Variants in DNAH11 observed in about 807,000 individuals in gnomAD.
The protein encoded by DNAH11 is axonemal beta dynein heavy chain 11.
A neutral mutation model predicts 526.0 loss-of-function variants in DNAH11; 442 were observed. That is an observed-to-expected ratio of 0.84 (90% CI 0.78 to 0.91). DNAH11 has a LOEUF of 0.91. Ranked by LOEUF, DNAH11 falls within the 40% of genes least tolerant of loss-of-function variation. The pLI, the probability that DNAH11 is intolerant of heterozygous loss-of-function variation, is 0.00. For synonymous variants in DNAH11, 2,461 were observed against 1,935.9 expected (o/e 1.27, Z -7.12); for missense variants, 6,989 against 5,448.7 (o/e 1.28, Z -8.90).
At chr7:21,770,055 G>T (rs1180478546) in intron 55 of DNAH11, among the ~76,000 whole-genome samples, 1 of 152,138 alleles carries the variant, frequency 6.6e-6, no homozygotes, top group Admixed American at 6.5e-5. Context: ...ACTGTGCTTG[G>T]TGCTACATTT....
rs1418452483 is a variant in DNAH11 at position 21,862,007 on chromosome 7, C to T, written c.11357C>T (p.Ser3786Phe). Residue 3786 changes from serine (S) to phenylalanine (F), a missense_variant, in exon 69 of 82, where the codon TCC becomes TTC. Physicochemically the swap from Ser to Phe is radical, Grantham distance 155 (BLOSUM62 -2). Transcript: ENST00000409508. ...GAGAAGGACAAGCTCACCTTCCTGT[C>T]CCAGATGGCTTTTCAGGTAAGGAGA... ...LFEKDKLTFL[S>F]QMAFQILLRK... The T allele has an allele frequency of 6.2e-7, 1 of 1,612,408 alleles. No individual in the cohort carries two copies. Among genetic ancestry groups the T allele is most frequent in the Non-Finnish European group, 8.5e-7 (1 of 1,179,218 alleles).
intron 30 of DNAH11, 37 bp from the exon 31 acceptor site, chr7:21,681,509 A>C (rs756423708): frequency 1.3e-5 from 21 of 1,597,940 alleles, no homozygotes; most frequent in Non-Finnish European, 1.7e-5. Flanking sequence ...CTGTATTTGT[A>C]ACCCTTCTCT....
chr7:21,719,145 C>G (rs950414909), intron 43 of DNAH11, among the ~76,000 whole-genome samples: 1 of 152,070 alleles, frequency 6.6e-6, no homozygotes, highest in African/African-American at 2.4e-5. Context: ...CTACTTCTTT[C>G]TTTTGTTGTA....
chr7:21,558,924 G>A lies in DNAH11; in HGVS notation c.618G>A (p.Met206Ile). Residue 206 changes from methionine to isoleucine, a missense_variant, in exon 3 of 82, where the codon ATG becomes ATA. By Grantham distance (10) the Met-to-Ile change is conservative. Coordinates refer to ENST00000409508, the MANE Select transcript of DNAH11 (RefSeq NM_001277115.2). ...AGATGTATATTTTTAGGGGCAAAAT[G>A]TCTAGAAGAACTCTTCTACCAATTC... The part of the protein sequence containing the change: ...KKKMYIFRGK[M>I]SRRTLLPIPT... 6.3e-7 allele frequency: 1 copy of A among 1,598,988 alleles called. No individual in the cohort carries two copies. The highest frequency in any genetic ancestry group is 8.5e-7 in the Non-Finnish European group (1 of 1,171,996).
chr7:21,565,511 C>T (rs751154654), intron 6 of DNAH11, among the ~76,000 whole-genome samples: 2 of 152,176 alleles, frequency 1.3e-5, no homozygotes, highest in Non-Finnish European at 2.9e-5. Context: ...AACAGGTCTG[C>T]AGACTTGCAG....
chr7:21,831,181 C>G (rs150199755), intron 65 of DNAH11, among the ~76,000 whole-genome samples: 1 of 152,166 alleles, frequency 6.6e-6, no homozygotes, highest in Admixed American at 6.5e-5. Flanking sequence ...CTCTTCACAC[C>G]TGCTGTTGCT....
intron 63 of DNAH11, among the ~76,000 whole-genome samples, chr7:21,808,348 ATATC>A: frequency 6.6e-6 from 1 of 152,192 alleles, no homozygotes. Context: ...AGTAAATAAG[ATATC>A]TATCACCTGA....
At position 21,784,513 on chromosome 7, in the gene DNAH11, T is replaced by A; in HGVS notation, c.9570T>A (p.Ala3190=). The A allele has an allele frequency of 1.2e-6, 2 of 1,612,638 alleles. No homozygotes were observed. Among genetic ancestry groups the A allele is most frequent in the Non-Finnish European group, 1.7e-6 (2 of 1,179,162 alleles). ...AGGCTGAGCCTGCACTGGTGGCTGC[T>A]ACAGCTGCACTCAATACACTCAACA... is the stretch of plus-strand genomic sequence containing the variant. ...LLKAEPALVA[A]TAALNTLNRV... The change falls in exon 58 of 82, where the codon GCT becomes GCA. Residue 3190 remains alanine, a synonymous_variant. Coordinates refer to ENST00000409508, the MANE Select transcript of DNAH11 (RefSeq NM_001277115.2).
chr7:21,825,061 AG>A, intron 65 of DNAH11, among the ~76,000 whole-genome samples: 1 of 152,164 alleles, frequency 6.6e-6, no homozygotes, highest in South Asian at 2.1e-4. Flanking sequence ...TAGTAGAAAC[AG>A]GTTTCGCCAT....
chr7:21,698,001 A>C, intron 35 of DNAH11, 74 bp from the exon 36 acceptor site: 2 of 1,460,178 alleles, frequency 1.4e-6, no homozygotes, highest in African/African-American at 1.4e-5. Context: ...GGTACGAAAT[A>C]ACCACTTGAT....
intron 61 of DNAH11, among the ~76,000 whole-genome samples, chr7:21,789,808 T>TCTTTCTTTCTTCTTTCTTTCTTTCTTTC: frequency 4.1e-4 from 14 of 34,086 alleles, no homozygotes; most frequent in East Asian, 6.2e-4. Context: ...TTTCTTTCTT[T>TCTTTCTTTCTTCTTTCTTTCTTTCTTTC]TTTCTTTCTT....
chr7:21,645,900 A>T (rs756530582), intron 28 of DNAH11, among the ~76,000 whole-genome samples: 9 of 152,198 alleles, frequency 5.9e-5, no homozygotes, highest in African/African-American at 2.2e-4. Flanking sequence ...AAATCTTCTT[A>T]AATTGGACAC....
intron 30 of DNAH11, among the ~76,000 whole-genome samples, chr7:21,670,192 T>G (rs1266422041): frequency 6.6e-6 from 1 of 152,086 alleles, no homozygotes; most frequent in Non-Finnish European, 1.5e-5. Context: ...TATATGGGTT[T>G]TCTCTAATTT....
chr7:21,736,688 C>T (rs1785625767), intron 46 of DNAH11, among the ~76,000 whole-genome samples: 1 of 152,046 alleles, frequency 6.6e-6, no homozygotes, highest in South Asian at 2.1e-4. Flanking sequence ...ATGAATGGAA[C>T]CCTTAGAAAG....
chr7:21,854,832 C>T (rs570632653), intron 68 of DNAH11, among the ~76,000 whole-genome samples: 11 of 152,202 alleles, frequency 7.2e-5, no homozygotes, highest in African/African-American at 1.4e-4. Flanking sequence ...CGTGAACCAC[C>T]GCGCACAGCC....
intron 45 of DNAH11, among the ~76,000 whole-genome samples, chr7:21,733,353 A>G (rs1440838665): frequency 6.6e-6 from 1 of 152,084 alleles, no homozygotes; most frequent in Non-Finnish European, 1.5e-5. Flanking sequence ...GTGCCACTGC[A>G]CTCCAGCCTC....
intron 48 of DNAH11, among the ~76,000 whole-genome samples, chr7:21,741,426 G>T (rs1785889543): frequency 2.0e-5 from 3 of 152,182 alleles, no homozygotes; most frequent in Non-Finnish European, 2.9e-5. Context: ...TGCAGGTTTT[G>T]TGTTTGCGTA....
chr7:21,619,164 T>C lies in DNAH11; in HGVS notation c.4319T>C (p.Val1440Ala), dbSNP rs759450356. ...TTGTTAGCACTGCGGTTACACAGAG[T>C]GGAAGATGATGTCCGAAGGATTGTG... ...ADLLALRLHR[V>A]EDDVRRIVDK... Residue 1440 changes from valine (V) to alanine (A), a missense_variant, in exon 24 of 82, where the codon GTG (valine) becomes GCG (alanine). Physicochemically the swap from Val to Ala is moderately conservative, Grantham distance 64. Transcript: ENST00000409508. The C allele has an allele frequency of 6.2e-7, 1 of 1,613,334 alleles. No homozygotes were observed. The highest frequency in any genetic ancestry group is 1.1e-5 in the South Asian group (1 of 91,052).
At chr7:21,554,580 C>T (rs1783148588) in intron 2 of DNAH11, among the ~76,000 whole-genome samples, 1 of 152,142 alleles carries the variant, frequency 6.6e-6, no homozygotes, top group Non-Finnish European at 1.5e-5. Context: ...TGGTTATGGC[C>T]CCTCTCCTAA....
Sources: gnomAD v4.1 joint callset for allele counts (sites outside exome capture counted in the v4.1 genomes callset) on GRCh38, gnomAD v4.1.1 for gene constraint, MANE v1.5 for transcripts, NCBI Gene and HGNC (gene_info 2026-07-23, HGNC 2026-07-21) for gene names.